Variants in PRR11 observed in about 807,000 individuals in gnomAD.
PRR11 encodes proline rich 11, also known as proline-rich protein 11.
PRR11 carries 30 observed loss-of-function variants against 45.6 expected under a neutral mutation model. The observed-to-expected ratio is 0.66, with a 90% confidence interval of 0.49 to 0.89. The LOEUF (loss-of-function observed/expected upper bound fraction) is 0.89, where lower values mean the gene tolerates loss of function less well. Among genes scored for constraint, PRR11 ranks in the 40% least tolerant of loss-of-function variants. The pLI is 0.00. For synonymous variants in PRR11, 128 were observed against 153.5 expected (o/e 0.83, Z 1.23); for missense variants, 373 against 424.8 (o/e 0.88, Z 1.07).
intron 1 of PRR11, among the ~76,000 whole-genome samples, chr17:59,158,300 A>G (rs1430738220): frequency 1.3e-5 from 2 of 152,228 alleles, no homozygotes; most frequent in Non-Finnish European, 1.5e-5. Context: ...TACTAAAGAG[A>G]CACTACTGCT....
At chr17:59,191,220 C>CT (rs60012514) in intron 4 of PRR11, among the ~76,000 whole-genome samples, 145 of 98,166 alleles carry the variant, frequency 1.5e-3, no homozygotes, top group East Asian at 3.1e-3. Context: ...TTCTTTTTTT[C>CT]TTTTTTTTTT....
intron 2 of PRR11, among the ~76,000 whole-genome samples, chr17:59,183,697 T>C (rs1338252194): frequency 6.6e-6 from 1 of 152,212 alleles, no homozygotes; most frequent in African/African-American, 2.4e-5. Flanking sequence ...TAAGAAACTC[T>C]AGTCTATATA....
At position 59,193,640 on chromosome 17, in the gene PRR11, T is replaced by TTCC. The variant is rs772015805; in HGVS notation, c.564_566dup (p.Pro192dup). On this transcript the variant is annotated inframe_insertion, in exon 5 of 10. Coordinates refer to ENST00000262293, the MANE Select transcript of PRR11 (RefSeq NM_018304.4). ...ACACTGCCACAGCCAGCCAGCCATT[T>TTCC]TCCTCCTCCTCCTCCACCTCCACCT... 4 of 1,613,936 alleles carry TTCC rather than the reference T, an allele frequency of 2.5e-6. No individual in the cohort carries two copies. The highest frequency in any genetic ancestry group is 3.4e-6 in the Non-Finnish European group (4 of 1,180,014).
chr17:59,165,163 G>A (rs1018198122), intron 1 of PRR11, among the ~76,000 whole-genome samples: 5 of 151,776 alleles, frequency 3.3e-5, no homozygotes, highest in Non-Finnish European at 5.9e-5. Context: ...TGGGACTACA[G>A]GCGCCCACCA....
intron 1 of PRR11, among the ~76,000 whole-genome samples, chr17:59,158,050 TC>T (rs1275719889): frequency 2.0e-5 from 3 of 152,198 alleles, no homozygotes; most frequent in African/African-American, 7.2e-5. Flanking sequence ...AAAGGAACCT[TC>T]AAATACTTTT....
chr17:59,181,551 G>A (rs758778077), intron 2 of PRR11: 118 of 1,227,640 alleles, frequency 9.6e-5, no homozygotes, highest in Non-Finnish European at 1.3e-4. Flanking sequence ...CAGGGAGCAC[G>A]AATGACACTA....
intron 5 of PRR11, among the ~76,000 whole-genome samples, chr17:59,194,304 C>CAA (rs1555717722): frequency 2.0e-5 from 3 of 149,400 alleles, no homozygotes; most frequent in Admixed American, 1.3e-4. Flanking sequence ...CACACACACA[C>CAA]AAAACAAAAC....
chr17:59,195,464 A>G (rs2046861455), intron 7 of PRR11, 21 bp downstream of exon 7: 1 of 1,429,264 alleles, frequency 7.0e-7, no homozygotes, highest in Non-Finnish European at 9.9e-7. Context: ...GCACAGTACT[A>G]TGCTCTACTA....
intron 6 of PRR11, among the ~76,000 whole-genome samples, 188 bp downstream of exon 6, chr17:59,195,043 G>T (rs1196459557): frequency 6.6e-6 from 1 of 152,144 alleles, no homozygotes; most frequent in Non-Finnish European, 1.5e-5. Flanking sequence ...GTGCTGGAGG[G>T]AGAAGTCATT....
At chr17:59,193,882 G>A (rs538287566) in intron 5 of PRR11, 148 bp downstream of exon 5, 6 of 1,004,564 alleles carry the variant, frequency 6.0e-6, no homozygotes, top group Non-Finnish European at 7.2e-6. Flanking sequence ...CTTAATTATT[G>A]TGTTTTTAAA....
chr17:59,166,026 A>G (rs1201849087), intron 1 of PRR11, among the ~76,000 whole-genome samples: 2 of 152,162 alleles, frequency 1.3e-5, no homozygotes, highest in East Asian at 3.9e-4. Flanking sequence ...TCAGGAATCT[A>G]TTTCTAGAAG....
chr17:59,159,264 C>T (rs1568316085), intron 1 of PRR11, among the ~76,000 whole-genome samples: 1 of 152,220 alleles, frequency 6.6e-6, no homozygotes, highest in African/African-American at 2.4e-5. Context: ...TGGTAATCAG[C>T]TCATAGATCT....
At chr17:59,162,365 T>C (rs1378057325) in intron 1 of PRR11, among the ~76,000 whole-genome samples, 1 of 152,116 alleles carries the variant, frequency 6.6e-6, no homozygotes, top group Non-Finnish European at 1.5e-5. Flanking sequence ...GAAATTTGTA[T>C]GCATAGACAC....
chr17:59,185,408 T>C (rs774309357), intron 3 of PRR11, 32 bp from the exon 4 acceptor site: 2 of 1,583,548 alleles, frequency 1.3e-6, no homozygotes, highest in Admixed American at 1.9e-5. Context: ...ATATTACTCA[T>C]AGGACTCAGA....
rs1002819336 is a variant in PRR11, at chr17:59,197,748, C to G, written c.973C>G (p.Leu325Val). The G allele has an allele frequency of 6.2e-7, 1 of 1,613,868 alleles. No individual in the cohort carries two copies. The highest frequency in any genetic ancestry group is 1.3e-5 in the African/African-American group (1 of 74,912). ...GGAAAATATGGAAACAGGAACAGGA[C>G]TGACTCCAGTGATGACGCAGGCCTT... is the stretch of plus-strand genomic sequence containing the variant. ...NKENMETGTG[L>V]TPVMTQALRR... is the part of the protein sequence containing the mutation. Residue 325 changes from leucine (L) to valine (V), a missense_variant, in exon 9 of 10, where the codon CTG becomes GTG. Leu to Val is a conservative substitution (Grantham distance 32). Transcript: ENST00000262293.
intron 2 of PRR11, chr17:59,177,030 A>G (rs1406670666): frequency 1.4e-4 from 56 of 413,402 alleles, no homozygotes; most frequent in Non-Finnish European, 1.7e-4. Flanking sequence ...GTCTAAAAAC[A>G]AGATAGTATA....
chr17:59,200,642 G>A (rs945197325), intron 9 of PRR11, among the ~76,000 whole-genome samples: 4 of 152,064 alleles, frequency 2.6e-5, no homozygotes, highest in Non-Finnish European at 4.4e-5. Flanking sequence ...ACAGGCGCCC[G>A]CCACCACGCC....
rs1333229701 is a variant in PRR11 at position 59,187,006 on chromosome 17, GAAAAGGAATAC to G, written c.402+1448_402+1458del. On this transcript the variant is annotated intron_variant, in intron 4 of 9. Coordinates refer to ENST00000262293, the MANE Select transcript of PRR11 (RefSeq NM_018304.4). ...AGTTTGAGGCCATCCTGGGCAGAAA[GAAAAGGAATAC>G]AAATGGTTCTTAAATACATGAGTAG... Among the ~76,000 whole-genome samples, 7 of 152,050 alleles carry G rather than the reference GAAAAGGAATAC, an allele frequency of 4.6e-5. 1 individual carries two copies. The highest frequency in any genetic ancestry group is 2.9e-5 in the Non-Finnish European group (2 of 68,006).
intron 2 of PRR11, among the ~76,000 whole-genome samples, chr17:59,170,610 G>A (rs2046703036): frequency 6.6e-6 from 1 of 152,056 alleles, no homozygotes; most frequent in African/African-American, 2.4e-5. Flanking sequence ...AAAAATAGAT[G>A]TTGATGCTGT....
Sources: allele counts gnomAD v4.1 joint callset (sites outside exome capture counted in the v4.1 genomes callset), GRCh38; gene constraint gnomAD v4.1.1; transcripts MANE v1.5; gene names NCBI Gene and HGNC (gene_info 2026-07-23, HGNC 2026-07-21).